Variants in ZMYM2 observed in about 807,000 individuals in gnomAD.
The protein encoded by ZMYM2 is zinc finger MYM-type protein 2.
ZMYM2 carries 56 observed loss-of-function variants against 162.8 expected under a neutral mutation model. That is an observed-to-expected ratio of 0.34 (90% CI 0.28 to 0.43). The LOEUF (loss-of-function observed/expected upper bound fraction) is 0.43, where lower values mean the gene tolerates loss of function less well. Among genes scored for constraint, ZMYM2 ranks in the 20% least tolerant of loss-of-function variants. The pLI is 1.00. For missense variants in ZMYM2, 1,275 were observed against 1,621.8 expected, an observed-to-expected ratio of 0.79 and a Z score of 3.67; for synonymous variants, 510 against 541.6, an observed-to-expected ratio of 0.94 and a Z score of 0.81.
chr13:19,996,246 T>A (rs1190638998), intron 3 of ZMYM2, among the ~76,000 whole-genome samples: 2 of 152,172 alleles, frequency 1.3e-5, no homozygotes, highest in Non-Finnish European at 2.9e-5. Context: ...TGTCGAGTAA[T>A]GTCTGATTAT....
chr13:20,017,775 G>A (rs1951749093), intron 6 of ZMYM2, among the ~76,000 whole-genome samples: 1 of 151,808 alleles, frequency 6.6e-6, no homozygotes, highest in African/African-American at 2.4e-5. Flanking sequence ...TTCTTTTCTA[G>A]AAGTTTCTGT....
At chr13:19,885,900 CAT>C in the ZMYM2 span, among the ~76,000 whole-genome samples, 6 of 97,652 alleles carry the variant, frequency 6.1e-5, 1 homozygote, top group African/African-American at 8.9e-5. Flanking sequence ...TGTGTATACA[CAT>C]ATATATGTAT....
chr13:20,039,163 A>G (rs565865499), intron 12 of ZMYM2, among the ~76,000 whole-genome samples: 14 of 152,260 alleles, frequency 9.2e-5, no homozygotes, highest in African/African-American at 2.6e-4. Context: ...AGCTGAGGGA[A>G]CTTTTGGGCT....
intron 12 of ZMYM2, among the ~76,000 whole-genome samples, 180 bp from the exon 13 acceptor site, chr13:20,051,253 G>GCATCTTTT (rs369364385): frequency 8.2e-4 from 61 of 74,116 alleles, no homozygotes; most frequent in Non-Finnish European, 1.3e-3. Context: ...CTGTGAAATT[G>GCATCTTTT]TATTTTTTTT....
At chr13:19,886,162 C>CTTTTTTTTTTTTTTTTTTTTTTTTCT in the ZMYM2 span, among the ~76,000 whole-genome samples, 1 of 98,448 alleles carries the variant, frequency 1.0e-5, no homozygotes, top group Non-Finnish European at 1.9e-5. Flanking sequence ...TTCTTTCTTT[C>CTTTTTTTTTTTTTTTTTTTTTTTTCT]TTTTTTTTTT....
intron 2 of ZMYM2, among the ~76,000 whole-genome samples, chr13:19,967,892 A>C (rs1272572551): frequency 6.6e-6 from 1 of 152,226 alleles, no homozygotes; most frequent in East Asian, 1.9e-4. Flanking sequence ...GTGTGTGCTT[A>C]TCTGGTAATG....
intron 6 of ZMYM2, among the ~76,000 whole-genome samples, chr13:20,011,561 TTTTA>T (rs1258051854): frequency 6.6e-6 from 1 of 150,510 alleles, no homozygotes; most frequent in African/African-American, 2.5e-5. Flanking sequence ...GTGCAGAAGT[TTTTA>T]TTTTTTTGTT....
At chr13:19,931,076 T>C in the ZMYM2 span, among the ~76,000 whole-genome samples, 38 of 150,338 alleles carry the variant, frequency 2.5e-4, no homozygotes, top group East Asian at 2.0e-3. Flanking sequence ...GAGGCGGAGC[T>C]TGCAGTGAGC....
At chr13:19,873,347 G>A in the ZMYM2 span, among the ~76,000 whole-genome samples, 2 of 151,860 alleles carry the variant, frequency 1.3e-5, no homozygotes, top group Admixed American at 6.6e-5. Context: ...CAGTTTTGAA[G>A]AGCCCAGGCC....
the ZMYM2 span, among the ~76,000 whole-genome samples, chr13:19,937,632 T>TA: frequency 1.3e-5 from 2 of 149,112 alleles, no homozygotes; most frequent in Non-Finnish European, 3.0e-5. Flanking sequence ...TTATTTTTTT[T>TA]ATATTTTATT....
At chr13:19,889,196 C>T in the ZMYM2 span, among the ~76,000 whole-genome samples, 1 of 151,902 alleles carries the variant, frequency 6.6e-6, no homozygotes, top group Non-Finnish European at 1.5e-5. Flanking sequence ...TCTCTCCCAG[C>T]CTATTCATAT....
intron 12 of ZMYM2, among the ~76,000 whole-genome samples, chr13:20,046,581 A>ATGTGTGTGTG (rs1249162923): frequency 1.7e-4 from 20 of 117,508 alleles, no homozygotes; most frequent in East Asian, 7.3e-4. Context: ...ATATATATAT[A>ATGTGTGTGTG]TGTGTGTGTG....
At chr13:20,072,483 T>G (rs1460723661) in intron 21 of ZMYM2, among the ~76,000 whole-genome samples, 1 of 152,164 alleles carries the variant, frequency 6.6e-6, no homozygotes, top group Non-Finnish European at 1.5e-5. Flanking sequence ...ATCACGCCAT[T>G]GCACTCCAGC....
the ZMYM2 span, among the ~76,000 whole-genome samples, chr13:19,952,278 T>C: frequency 1.1e-3 from 170 of 152,174 alleles, 2 homozygotes; most frequent in Middle Eastern, 6.8e-3. Flanking sequence ...GGTCAAAAGA[T>C]AGAAGTTTTA....
the ZMYM2 span, among the ~76,000 whole-genome samples, chr13:19,947,984 T>A: frequency 7.4e-6 from 1 of 134,404 alleles, no homozygotes; most frequent in Non-Finnish European, 1.6e-5. Context: ...GAAATGTTTT[T>A]AAAACATCCT....
At chr13:19,950,474 G>A in the ZMYM2 span, among the ~76,000 whole-genome samples, 1 of 152,180 alleles carries the variant, frequency 6.6e-6, no homozygotes, top group African/African-American at 2.4e-5. Flanking sequence ...TTTTGTACTA[G>A]TCACGGAGTT....
At chr13:20,041,353 T>A (rs1954228830) in intron 12 of ZMYM2, among the ~76,000 whole-genome samples, 1 of 152,208 alleles carries the variant, frequency 6.6e-6, no homozygotes, top group Non-Finnish European at 1.5e-5. Flanking sequence ...TGGTTTAAAG[T>A]CTGTTTTGTC....
intron 17 of ZMYM2, 76 bp from the exon 18 acceptor site, chr13:20,062,770 G>A (rs1184170357): frequency 2.0e-5 from 27 of 1,367,246 alleles, no homozygotes; most frequent in Non-Finnish European, 2.6e-5. Context: ...TAAATGACTT[G>A]CTTTTGCCAG....
At chr13:20,018,023 G>A (rs988306115) in intron 6 of ZMYM2, among the ~76,000 whole-genome samples, 4 of 151,962 alleles carry the variant, frequency 2.6e-5, no homozygotes, top group African/African-American at 9.7e-5. Flanking sequence ...TTAAAAGGTC[G>A]GCCTCTCTAC....
Sources: allele counts gnomAD v4.1 joint callset (sites outside exome capture counted in the v4.1 genomes callset), GRCh38; gene constraint gnomAD v4.1.1; transcripts MANE v1.5; gene names NCBI Gene and HGNC (gene_info 2026-07-23, HGNC 2026-07-21).